CSF1R: variants seen among roughly 807,000 people sequenced by gnomAD.
CSF1R encodes the protein macrophage colony-stimulating factor 1 receptor.
In CSF1R, 40 loss-of-function variants were observed where a neutral mutation model predicts 110.0. The ratio of observed to expected loss-of-function variants is 0.36; its 90% CI spans 0.28 to 0.47. The LOEUF is 0.47. Among genes scored for constraint, CSF1R ranks in the 20% least tolerant of loss-of-function variants. The pLI is 0.99. For missense variants in CSF1R, 1,052 were observed against 1,253.0 expected (o/e 0.84, Z 2.42); for synonymous variants, 523 against 503.4 (o/e 1.04, Z -0.52).
intron 12 of CSF1R, 36 bp downstream of exon 12, chr5:150,061,455 C>A: frequency 2.2e-6 from 2 of 889,452 alleles, no homozygotes; most frequent in Non-Finnish European, 1.7e-6. Context: ...CATCTACCAC[C>A]CCCCATCCCT....
At chr5:150,074,871 C>G (rs1229618285) in intron 5 of CSF1R, among the ~76,000 whole-genome samples, 5 of 152,158 alleles carry the variant, frequency 3.3e-5, no homozygotes, top group Non-Finnish European at 5.9e-5. Context: ...CTCCACCCAT[C>G]TGGGTCTCCT....
At chr5:150,068,640 G>A (rs1379809716) in intron 9 of CSF1R, among the ~76,000 whole-genome samples, 5 of 152,164 alleles carry the variant, frequency 3.3e-5, no homozygotes, top group African/African-American at 1.2e-4. Context: ...AAACCTCTCT[G>A]CAGCGGCCTG....
At chr5:150,061,677 C>G (rs752815900) in intron 11 of CSF1R, 46 bp downstream of exon 11, 1 of 1,614,216 alleles carries the variant, frequency 6.2e-7, no homozygotes, top group Admixed American at 1.7e-5. Flanking sequence ...GCAACCCCCA[C>G]AGGCCCTGTG....
chr5:150,069,787 G>T (rs977024686), intron 9 of CSF1R, 86 bp downstream of exon 9: 3 of 1,259,076 alleles, frequency 2.4e-6, no homozygotes, highest in Non-Finnish European at 3.2e-6. Context: ...CAGCTCCCTC[G>T]GTGGGGGGTG....
In CSF1R at chr5:150,077,181, G is replaced by A. The variant is rs191036781; in HGVS notation, c.889+95C>T. 6.7e-4 allele frequency: 1,009 copies of A among 1,502,320 alleles called. 1 individual carries two copies. The highest frequency in any genetic ancestry group is 8.8e-4 in the Non-Finnish European group (949 of 1,080,670). The allele number at this position is 1,502,320 out of a possible 1,614,324, so 93.1% of individuals were successfully genotyped here. ...ACTCCAGCAGAGATATCCTCAGCAG[G>A]TCTCCTTCCCTGACATCAGCTTCCT... is the stretch of plus-strand genomic sequence containing the variant. On this transcript the variant is annotated intron_variant, in intron 5 of 20. Transcript: ENST00000675795.
chr5:150,101,084 A>C (rs947410955), intron 1 of CSF1R, among the ~76,000 whole-genome samples: 2 of 151,086 alleles, frequency 1.3e-5, no homozygotes, highest in Admixed American at 6.6e-5. Flanking sequence ...AAAAAAAAAA[A>C]GGTGATACCT....
In CSF1R at chr5:150,053,613, G is replaced by A. The variant is rs369483275; in HGVS notation, c.*456C>T. ...TCCTGCTCCAAGGGGCCTGAGCTGA[G>A]TGTGGTCTGTGAGCATCTGCTGCTC... is the stretch of plus-strand genomic sequence containing the variant. On this transcript the variant is annotated 3_prime_UTR_variant, in exon 21 of 21. Transcript: ENST00000675795. 1 of 272,706 alleles carries A rather than the reference G, an allele frequency of 3.7e-6. No homozygotes were observed. The highest frequency in any genetic ancestry group is 2.2e-5 in the African/African-American group (1 of 45,792). 16.9% of individuals were successfully genotyped at this position (272,706 alleles called of 1,614,324 possible). A position where few individuals can be genotyped will look rare whatever the true frequency, so the allele number is the denominator to read the frequency against.
At chr5:150,059,958 G>A in intron 13 of CSF1R, 96 bp from the exon 14 acceptor site, 1 of 1,375,196 alleles carries the variant, frequency 7.3e-7, no homozygotes, top group Non-Finnish European at 9.9e-7. Flanking sequence ...ACTGGACTTG[G>A]ACTCAGCATA....
At chr5:150,060,583 G>A (rs1053053451) in intron 13 of CSF1R, among the ~76,000 whole-genome samples, 4 of 152,042 alleles carry the variant, frequency 2.6e-5, no homozygotes, top group Admixed American at 1.3e-4. Context: ...AGAGGATCCG[G>A]CTCCCTGGAA....
At chr5:150,110,727 G>A (rs953882741) in intron 1 of CSF1R, among the ~76,000 whole-genome samples, 1 of 143,960 alleles carries the variant, frequency 6.9e-6, no homozygotes, top group East Asian at 2.0e-4. Flanking sequence ...TTTATAGTGA[G>A]AGGCAGAATT....
chr5:150,103,979 G>A (rs1174664192), intron 1 of CSF1R, among the ~76,000 whole-genome samples: 2 of 152,172 alleles, frequency 1.3e-5, no homozygotes, highest in East Asian at 3.9e-4. Context: ...AGGGGTAACT[G>A]TTAAAATGAA....
intron 1 of CSF1R, among the ~76,000 whole-genome samples, chr5:150,109,982 C>G (rs767457720): frequency 6.6e-6 from 1 of 152,168 alleles, no homozygotes; most frequent in Non-Finnish European, 1.5e-5. Flanking sequence ...CTTTGATTCT[C>G]CATTTTAAAG....
At position 150,080,035 on chromosome 5, in the gene CSF1R, C is replaced by T. The variant is rs2113830581; in HGVS notation, c.592+17G>A. ...CCACTCTTCAGGCCTGGCTGCCGGT[C>T]CCCATGCCCCACGCACCTTTCTGCA... On this transcript the variant is annotated intron_variant, in intron 3 of 20. Transcript: ENST00000675795. 1 of 1,607,074 alleles carries T rather than the reference C, an allele frequency of 6.2e-7. No homozygotes were observed. Among genetic ancestry groups the T allele is most frequent in the South Asian group, 1.1e-5 (1 of 90,536 alleles).
Position 150,059,740 on chromosome 5 carries a change from C to T in CSF1R, c.2092G>A (p.Asp698Asn), listed in dbSNP as rs778336583. ...TTCTCGAGGTGGATGTTCTTATAGT[C>T]GACGCCTCCCTCGGGGTCCTGGCCG... ...SPGQDPEGGV[D>N]YKNIHLEKKY... is the part of the protein sequence containing the mutation. Residue 698 changes from aspartate to asparagine, a missense_variant, in exon 14 of 21, where the codon GAC becomes AAC. Physicochemically the swap from Asp to Asn is conservative, Grantham distance 23 (BLOSUM62 1). Around this residue, in one of 5 missense-constraint regions of CSF1R, gnomAD observed 124 missense variants for 117.7 expected, o/e 1.05. Transcript: ENST00000675795. The T allele has an allele frequency of 6.2e-6, 10 of 1,614,036 alleles. No individual in the cohort carries two copies. The highest frequency in any genetic ancestry group is 2.2e-5 in the South Asian group (2 of 91,074).
chr5:150,099,469 A>T (rs1340474427), intron 1 of CSF1R, among the ~76,000 whole-genome samples: 1 of 152,214 alleles, frequency 6.6e-6, no homozygotes, highest in African/African-American at 2.4e-5. Context: ...CTCAAACTGG[A>T]AACAACTCAA....
At position 150,057,351 on chromosome 5, in the gene CSF1R, A is replaced by C. The variant is rs758764883; in HGVS notation, c.2255T>G (p.Leu752Arg). ...LDKEDGRPLE[L>R]RDLLHFSSQV... ...GCTGGAGAAGTGAAGCAGGTCCCGGAGCTCCAGGGGCCGTCCATCCTCCTT... is the reference window on the plus strand; with the variant it reads ...GCTGGAGAAGTGAAGCAGGTCCCGGCGCTCCAGGGGCCGTCCATCCTCCTT... The change falls in exon 16 of 21, where the codon CTC (leucine) becomes CGC (arginine). Residue 752 changes from leucine (L) to arginine (R), a missense_variant. Leu to Arg is a moderately radical substitution (Grantham distance 102). Coordinates refer to ENST00000675795, the MANE Select transcript of CSF1R (RefSeq NM_001288705.3). 1.9e-6 allele frequency: 3 copies of C among 1,613,944 alleles called. No individual in the cohort carries two copies. The African/African-American group carries it at 4.0e-5, about 22-fold the overall frequency.
chr5:150,112,333 T>A (rs888896636), intron 1 of CSF1R, among the ~76,000 whole-genome samples: 5 of 152,210 alleles, frequency 3.3e-5, no homozygotes, highest in African/African-American at 1.2e-4. Flanking sequence ...GAGGGTAAAA[T>A]GAGCTAATGT....
intron 10 of CSF1R, among the ~76,000 whole-genome samples, chr5:150,062,985 C>T (rs2282805): frequency 0.35 from 53,663 of 151,652 alleles, 15,201 homozygotes; most frequent in African/African-American, 0.78. Context: ...AACAGGAAGG[C>T]CTTGAGGGCT....
chr5:150,077,462 A>C (rs745397759), intron 4 of CSF1R, 27 bp from the exon 5 acceptor site: 1 of 1,600,570 alleles, frequency 6.2e-7, no homozygotes, highest in African/African-American at 1.3e-5. Context: ...TGGAGATGTT[A>C]TACCAAGGTA....
Sources: gnomAD v4.1 joint callset for allele counts (sites outside exome capture counted in the v4.1 genomes callset) on GRCh38, gnomAD v4.1.1 for gene constraint, gnomAD v4.1.1 regional missense constraint, MANE v1.5 for transcripts, NCBI Gene and HGNC (gene_info 2026-07-23, HGNC 2026-07-21) for gene names.